Variants in OTUD7A observed in about 807,000 individuals in gnomAD.
OTUD7A encodes OTU domain-containing protein 7A.
Under a neutral mutation model 65.7 loss-of-function variants are expected in OTUD7A, and 12 were observed. The ratio of observed to expected loss-of-function variants is 0.18; its 90% confidence interval spans 0.12 to 0.30. The LOEUF is 0.30. Among genes scored for constraint, OTUD7A ranks in the 10% least tolerant of loss-of-function variants. OTUD7A has a pLI of 1.00. For missense variants in OTUD7A, 1,148 were observed against 1,304.8 expected, an observed-to-expected ratio of 0.88 and a Z score of 1.85; for synonymous variants, 641 against 586.3, an observed-to-expected ratio of 1.09 and a Z score of -1.35.
At chr15:31,501,609 T>A (rs2041466096) in intron 10 of OTUD7A, 81 bp downstream of exon 10, 1 of 1,568,150 alleles carries the variant, frequency 6.4e-7, no homozygotes, top group Admixed American at 1.7e-5. Flanking sequence ...ACAATCCACC[T>A]CCCCGTGCAA....
chr15:31,857,947 A>C (rs1281013997), intron 1 of OTUD7A, among the ~76,000 whole-genome samples: 2 of 152,204 alleles, frequency 1.3e-5, no homozygotes, highest in African/African-American at 4.8e-5. Flanking sequence ...GAAAATCAAC[A>C]AGGGAAGGTT....
In OTUD7A at chr15:31,647,599, G is replaced by T. The variant is rs1595683070; in HGVS notation, c.151+7497C>A. Among the ~76,000 whole-genome samples, 6 of 152,036 alleles carry T rather than the reference G, an allele frequency of 3.9e-5. No individual in the cohort carries two copies. In the Middle Eastern group the frequency reaches 0.017, roughly 434 times the overall value. On this transcript the variant is annotated intron_variant, in intron 3 of 12. Coordinates refer to ENST00000307050, the MANE Select transcript of OTUD7A (RefSeq NM_001382637.1). Reference sequence around the variant, plus strand: ...TCCTTGACAACCCTAATTTAAAACTGTACACACTCATACCTGCTTCCTTCT... The same window carrying T: ...TCCTTGACAACCCTAATTTAAAACTTTACACACTCATACCTGCTTCCTTCT...
At chr15:31,767,949 T>C (rs1895132815) in intron 1 of OTUD7A, 6 of 1,553,012 alleles carry the variant, frequency 3.9e-6, no homozygotes, top group Middle Eastern at 3.4e-4. Context: ...CTCCCTTTGA[T>C]ATCTTCAATT....
At position 31,484,655 on chromosome 15, in the gene OTUD7A, G is replaced by C. The variant is rs2041207679; in HGVS notation, c.1441C>G (p.Leu481Val). Reference sequence around the variant, plus strand: ...CACACCGAATCGCGGTCCGAGTCCAGCGAGTCGGCCAGGGACTGCACGTCC... The same window carrying C: ...CACACCGAATCGCGGTCCGAGTCCACCGAGTCGGCCAGGGACTGCACGTCC... The part of the protein sequence containing the change: ...GEDVQSLADS[L>V]DSDRDSVCSN... The change falls in exon 13 of 13, where the codon CTG becomes GTG. Residue 481 changes from leucine (L) to valine (V), a missense_variant. Around this residue, in one of 6 missense-constraint regions of OTUD7A, gnomAD observed 842 missense variants for 769.5 expected, o/e 1.09. Coordinates refer to ENST00000307050, the MANE Select transcript of OTUD7A (RefSeq NM_001382637.1). This position sits in a 1 kb window ranked among gnomAD's most constrained non-coding sequence, Gnocchi z 4.5. The C allele has an allele frequency of 1.3e-6, 2 of 1,583,348 alleles. No homozygotes were observed. Among genetic ancestry groups the C allele is most frequent in the Admixed American group, 1.8e-5 (1 of 56,294 alleles).
chr15:31,689,629 C>A (rs1428202502), intron 1 of OTUD7A: 2 of 152,112 alleles, frequency 1.3e-5, no homozygotes, highest in Non-Finnish European at 2.9e-5. Context: ...ATTTAACATG[C>A]ATTTGAAATT....
intron 1 of OTUD7A, among the ~76,000 whole-genome samples, chr15:31,728,635 C>T (rs1364131735): frequency 6.6e-6 from 1 of 152,232 alleles, no homozygotes; most frequent in Non-Finnish European, 1.5e-5. Flanking sequence ...AGAATCTTTC[C>T]TGTAAGGACT....
intron 3 of OTUD7A, among the ~76,000 whole-genome samples, chr15:31,611,217 C>T (rs1440642107): frequency 6.6e-6 from 1 of 152,066 alleles, no homozygotes; most frequent in Admixed American, 6.5e-5. Flanking sequence ...AGAGCACAAA[C>T]TGACATTCTC....
intron 1 of OTUD7A, among the ~76,000 whole-genome samples, chr15:31,808,312 C>T (rs1236677424): frequency 2.0e-5 from 3 of 152,136 alleles, no homozygotes; most frequent in African/African-American, 2.4e-5. Context: ...CTGTATGGAG[C>T]GCTGGGCTTC....
At chr15:31,860,677 G>GTGTATATATATATATATATA (rs560896384) in intron 1 of OTUD7A, among the ~76,000 whole-genome samples, 3,314 of 73,200 alleles carry the variant, frequency 0.045, 370 homozygotes, top group Admixed American at 0.067. Context: ...ATGTATGTGT[G>GTGTATATATATATATATATA]TATATATATA....
At chr15:31,557,639 T>A (rs1194619511) in intron 5 of OTUD7A, 1 of 152,218 alleles carries the variant, frequency 6.6e-6, no homozygotes, top group African/African-American at 2.4e-5. Context: ...AACGGTAGTA[T>A]CCTTCACTAG....
At chr15:31,840,176 T>C (rs2140992878) in intron 1 of OTUD7A, among the ~76,000 whole-genome samples, 1 of 152,200 alleles carries the variant, frequency 6.6e-6, no homozygotes, top group Non-Finnish European at 1.5e-5. Flanking sequence ...TCTCAGCACC[T>C]TGGGAGGCCA....
intron 4 of OTUD7A, among the ~76,000 whole-genome samples, chr15:31,562,658 C>T (rs1489387231): frequency 2.6e-5 from 4 of 151,870 alleles, no homozygotes; most frequent in African/African-American, 9.7e-5. Context: ...TCTTATGACA[C>T]CTGATTAAAA....
intron 1 of OTUD7A, among the ~76,000 whole-genome samples, chr15:31,807,056 T>C (rs1369689917): frequency 1.3e-5 from 2 of 152,268 alleles, no homozygotes; most frequent in Non-Finnish European, 2.9e-5. Flanking sequence ...TGTAAGCCTC[T>C]GGGCTATTTC....
chr15:31,663,942 A>G (rs1379654791), intron 1 of OTUD7A, among the ~76,000 whole-genome samples: 4 of 152,080 alleles, frequency 2.6e-5, no homozygotes, highest in African/African-American at 9.7e-5. Context: ...TCCATTCCTG[A>G]GTTACTTCAC....
intron 1 of OTUD7A, among the ~76,000 whole-genome samples, chr15:31,857,012 C>G (rs1897592243): frequency 6.6e-6 from 1 of 152,178 alleles, no homozygotes; most frequent in Non-Finnish European, 1.5e-5. Context: ...GTTGTCCTCA[C>G]AAAAATAATC....
At chr15:31,540,569 G>A (rs908595015) in intron 5 of OTUD7A, among the ~76,000 whole-genome samples, 1 of 152,136 alleles carries the variant, frequency 6.6e-6, no homozygotes, top group African/African-American at 2.4e-5. Context: ...TCTTAAAAAT[G>A]GAGATAATAA....
At chr15:31,776,715 G>A (rs1595761625) in intron 1 of OTUD7A, among the ~76,000 whole-genome samples, 1 of 152,188 alleles carries the variant, frequency 6.6e-6, no homozygotes. Flanking sequence ...GTGACTGCCA[G>A]GGTCTGAAGG....
chr15:31,612,247 T>C (rs941334601), intron 3 of OTUD7A, among the ~76,000 whole-genome samples: 11 of 152,200 alleles, frequency 7.2e-5, no homozygotes. Context: ...AAGACAAGGA[T>C]GCCCACTCTC....
chr15:31,710,331 A>G (rs879661175), intron 1 of OTUD7A, among the ~76,000 whole-genome samples: 3 of 149,870 alleles, frequency 2.0e-5, no homozygotes, highest in East Asian at 2.0e-4. Context: ...TCAGGCCACA[A>G]TCAATTCAGT....
Sources: allele counts gnomAD v4.1 joint callset (sites outside exome capture counted in the v4.1 genomes callset), GRCh38; gene constraint gnomAD v4.1.1; regional missense constraint gnomAD v4.1.1; non-coding constraint Gnocchi (gnomAD v3.1); transcripts MANE v1.5; gene names NCBI Gene and HGNC (gene_info 2026-07-23, HGNC 2026-07-21).